Variants in RIPOR2 observed in about 807,000 individuals in gnomAD.
The protein encoded by RIPOR2 is rho family-interacting cell polarization regulator 2.
A neutral mutation model predicts 114.5 loss-of-function variants in RIPOR2; 39 were observed. The ratio of observed to expected loss-of-function variants is 0.34; its 90% CI spans 0.26 to 0.44. The LOEUF (loss-of-function observed/expected upper bound fraction) is 0.44. RIPOR2 is among the 20% of genes least tolerant of loss of function. The probability of loss-of-function intolerance (pLI) is 1.00; values close to 1 mark genes in which losing one functional copy is unlikely to be tolerated. For synonymous variants in RIPOR2, 445 were observed against 484.4 expected (o/e 0.92, Z 1.07); for missense variants, 1,007 against 1,255.1 (o/e 0.80, Z 2.99).
intron 1 of RIPOR2, among the ~76,000 whole-genome samples, chr6:25,027,558 A>G (rs539721954): frequency 1.2e-4 from 19 of 152,382 alleles, no homozygotes; most frequent in Admixed American, 2.6e-4. Flanking sequence ...CGTGGTGGCC[A>G]TGCTGCAGGT....
intron 12 of RIPOR2, chr6:24,847,575 G>C: frequency 6.4e-7 from 1 of 1,551,714 alleles, no homozygotes; most frequent in Non-Finnish European, 8.7e-7. Flanking sequence ...GACTCGGCCT[G>C]AGGGAGGGCA....
intron 1 of RIPOR2, among the ~76,000 whole-genome samples, chr6:24,965,775 AT>A (rs1787334997): frequency 6.6e-6 from 1 of 152,254 alleles, no homozygotes; most frequent in South Asian, 2.1e-4. Flanking sequence ...AATTATTATA[AT>A]GAAAACACTA....
intron 1 of RIPOR2, among the ~76,000 whole-genome samples, chr6:24,957,736 A>G (rs1397811329): frequency 1.3e-5 from 2 of 152,154 alleles, no homozygotes; most frequent in South Asian, 2.1e-4. Flanking sequence ...TTAGCTGGGC[A>G]TGGTGGCAGG....
At chr6:25,039,718 A>T (rs1347432053) in intron 1 of RIPOR2, among the ~76,000 whole-genome samples, 4 of 152,156 alleles carry the variant, frequency 2.6e-5, no homozygotes, top group Admixed American at 6.5e-5. Flanking sequence ...TCCATAACGG[A>T]GGTATTGGAT....
At chr6:24,994,158 G>GT (rs1405133756) in intron 1 of RIPOR2, among the ~76,000 whole-genome samples, 11 of 152,252 alleles carry the variant, frequency 7.2e-5, no homozygotes, top group Admixed American at 1.3e-4. Flanking sequence ...CAAAGAGTAG[G>GT]TTTTTTAAGG....
chr6:24,848,003 C>T lies in RIPOR2; in HGVS notation c.1164+22G>A, dbSNP rs187750951. 2.2e-4 allele frequency: 355 copies of T among 1,613,684 alleles called. 1 individual carries two copies. The East Asian group carries it at 7.0e-3, about 32-fold the overall frequency. Reference sequence around the variant, plus strand: ...CTGGCTCAGGTGCATTGATTCTACTCGGGAAATTACACTGAACTTACAAAG... The same window carrying T: ...CTGGCTCAGGTGCATTGATTCTACTTGGGAAATTACACTGAACTTACAAAG... On this transcript the variant is annotated intron_variant, in intron 12 of 21. Transcript: ENST00000643898.
Position 24,873,682 on chromosome 6 carries a change from C to A in RIPOR2, c.306G>T (p.Arg102Ser), listed in dbSNP as rs766691026. Residue 102 changes from arginine to serine, a missense_variant, in exon 3 of 22, where the codon AGG becomes AGT. Arg to Ser is a moderately radical substitution (Grantham distance 110). Transcript: ENST00000643898. ...NNPPKEPQPK[R>S]VEEVYRALKN... Reference sequence around the variant, plus strand: ...TCAAGGCCCTGTAGACTTCTTCCACCCTTTTAGGCTGAGGCTCTTTGGGGG... The same window carrying A: ...TCAAGGCCCTGTAGACTTCTTCCACACTTTTAGGCTGAGGCTCTTTGGGGG... 7 of 1,613,472 alleles carry A rather than the reference C, an allele frequency of 4.3e-6. No individual in the cohort carries two copies. The East Asian group carries it at 1.1e-4, about 26-fold the overall frequency.
chr6:24,860,934 A>T, intron 8 of RIPOR2, 39 bp downstream of exon 8: 1 of 1,337,908 alleles, frequency 7.5e-7, no homozygotes, highest in Non-Finnish European at 1.1e-6. Context: ...CACTCTGCAG[A>T]GATGGCTCCT....
At chr6:25,005,031 A>T (rs1427375800) in intron 1 of RIPOR2, among the ~76,000 whole-genome samples, 3 of 132,288 alleles carry the variant, frequency 2.3e-5, no homozygotes, top group African/African-American at 5.7e-5. Context: ...ACACACACAC[A>T]CTCTGCTGTG....
intron 1 of RIPOR2, among the ~76,000 whole-genome samples, chr6:24,920,659 G>A (rs995946692): frequency 5.3e-5 from 8 of 152,174 alleles, no homozygotes; most frequent in South Asian, 2.1e-4. Flanking sequence ...CTGAATGTTC[G>A]CTATTCTGAG....
intron 1 of RIPOR2, among the ~76,000 whole-genome samples, chr6:24,894,638 C>T (rs955024865): frequency 1.3e-5 from 2 of 152,188 alleles, no homozygotes; most frequent in African/African-American, 2.4e-5. Context: ...AGAACAGTAA[C>T]TGGTGTCTCA....
chr6:25,005,734 T>TACATACATAC (rs1554130543), intron 1 of RIPOR2, among the ~76,000 whole-genome samples: 1 of 97,682 alleles, frequency 1.0e-5, no homozygotes, highest in Non-Finnish European at 2.3e-5. Context: ...TATATATATA[T>TACATACATAC]ATATATACAT....
chr6:24,838,770 G>A (rs1761342984), intron 14 of RIPOR2, among the ~76,000 whole-genome samples: 1 of 152,068 alleles, frequency 6.6e-6, no homozygotes, highest in South Asian at 2.1e-4. Context: ...CTCCAGCCTG[G>A]GTGACAGAGC....
At chr6:24,918,418 C>T (rs2114097643) in intron 1 of RIPOR2, among the ~76,000 whole-genome samples, 1 of 152,220 alleles carries the variant, frequency 6.6e-6, no homozygotes, top group Middle Eastern at 3.4e-3. Flanking sequence ...TTTCATTTCT[C>T]TTTCCATTGT....
chr6:24,818,479 A>G (rs1759376171), intron 20 of RIPOR2, 63 bp downstream of exon 20: 1 of 963,846 alleles, frequency 1.0e-6, no homozygotes, highest in Non-Finnish European at 1.6e-6. Flanking sequence ...AAGCTGTTAT[A>G]TACACTCAGC....
chr6:24,917,801 T>G lies in RIPOR2; in HGVS notation c.61+18037A>C, dbSNP rs1446582820. On this transcript the variant is annotated intron_variant, in intron 1 of 21. Transcript: ENST00000643898. ...GCATCAGCCTCCCAAAGTGCTGGGA[T>G]TATAGGCGTGAGCCACCACGCCCAG... Among the ~76,000 whole-genome samples, 3 of 152,220 alleles carry G rather than the reference T, an allele frequency of 2.0e-5. No homozygotes were observed. In the East Asian group the frequency reaches 5.8e-4, roughly 29 times the overall value.
chr6:24,850,821 C>T, intron 9 of RIPOR2, 99 bp from the exon 10 acceptor site: 1 of 1,345,588 alleles, frequency 7.4e-7, no homozygotes, highest in Non-Finnish European at 1.0e-6. Flanking sequence ...CCACTGCTGC[C>T]CTCCGCTTCT....
In RIPOR2 at chr6:24,835,795, C is replaced by T; in HGVS notation, c.2116G>A (p.Val706Met). 1 of 1,551,676 alleles carries T rather than the reference C, an allele frequency of 6.4e-7. No individual in the cohort carries two copies. The highest frequency in any genetic ancestry group is 8.7e-7 in the Non-Finnish European group (1 of 1,146,972). ...GTCAGTGGGAGAGGACTTCCTGCCA[C>T]ACTGGTCCCAACTCCTGTGTCTTCA... ...LTEDTGVGTS[V>M]AGSPLPLTTG... The change falls in exon 15 of 22, where the codon GTG (valine) becomes ATG (methionine). Residue 706 changes from valine to methionine, a missense_variant. Val to Met is a conservative substitution (Grantham distance 21, BLOSUM62 1). Coordinates refer to ENST00000643898, the MANE Select transcript of RIPOR2 (RefSeq NM_001286445.3).
chr6:24,831,142 T>C lies in RIPOR2; in HGVS notation c.2345-472A>G, dbSNP rs1213780660. ...TTCAGATGGAACTAGCAGATTCCTG[T>C]GTGGTCAGCAGATGGCCCGAAGGGT... On this transcript the variant is annotated intron_variant, in intron 16 of 21. Coordinates refer to ENST00000643898, the MANE Select transcript of RIPOR2 (RefSeq NM_001286445.3). Among the ~76,000 whole-genome samples, 6 of 152,142 alleles carry C rather than the reference T, an allele frequency of 3.9e-5. No homozygotes were observed. The East Asian group carries it at 7.7e-4, about 20-fold the overall frequency.
Sources: allele counts gnomAD v4.1 joint callset (sites outside exome capture counted in the v4.1 genomes callset), GRCh38; gene constraint gnomAD v4.1.1; transcripts MANE v1.5; gene names NCBI Gene and HGNC (gene_info 2026-07-23, HGNC 2026-07-21).